Variants in WSCD2 observed in about 807,000 individuals in gnomAD.
WSCD2 encodes the protein sialate:O-sulfotransferase 2.
In WSCD2, 28 loss-of-function variants were observed where a neutral mutation model predicts 55.7. The ratio of observed to expected loss-of-function variants is 0.50; its 90% CI spans 0.37 to 0.69. The LOEUF is 0.69. WSCD2 is among the 30% of genes least tolerant of loss of function. The pLI is 0.00. For synonymous variants in WSCD2, 301 were observed against 301.9 expected (o/e 1.00, Z 0.03); for missense variants, 616 against 762.1 (o/e 0.81, Z 2.26).
Position 108,248,003 on chromosome 12 carries a change from TCGTGAGGAACTATG to T in WSCD2, c.1360_1373del (p.Val454ProfsTer23). 6.2e-7 allele frequency: 1 copy of T among 1,612,476 alleles called. No homozygotes were observed. Among genetic ancestry groups the T allele is most frequent in the Non-Finnish European group, 8.5e-7 (1 of 1,178,630 alleles). ...CCTCTCTCTGCAGAGTGGCCAGAGT[TCGTGAGGAACTATG>T]CCCCGTGGTGGGCCACTCACACACT... On this transcript the variant is annotated frameshift_variant, in exon 9 of 9. Coordinates refer to ENST00000547525, the MANE Select transcript of WSCD2 (RefSeq NM_014653.4). LOFTEE classifies it high-confidence loss of function. The surrounding 1 kb of genome is among the most constrained non-coding windows in gnomAD (Gnocchi z 4.3).
At chr12:108,229,268 T>C (rs1035613358) in intron 6 of WSCD2, among the ~76,000 whole-genome samples, 35 of 152,232 alleles carry the variant, frequency 2.3e-4, no homozygotes, top group African/African-American at 8.4e-4. Context: ...ACTTGCTCTG[T>C]GCCAGGCTCT....
chr12:108,242,793 T>C (rs1017133578), intron 8 of WSCD2, among the ~76,000 whole-genome samples: 2 of 152,154 alleles, frequency 1.3e-5, no homozygotes, highest in East Asian at 1.9e-4. Context: ...CAGGCCCCAC[T>C]CTTTTTCCTT....
At chr12:108,149,606 T>G (rs1258714712) in intron 1 of WSCD2, among the ~76,000 whole-genome samples, 1 of 152,132 alleles carries the variant, frequency 6.6e-6, no homozygotes. Flanking sequence ...GAGGCCAGAG[T>G]ATTTTATTCA....
intron 7 of WSCD2, 36 bp downstream of exon 7, chr12:108,232,931 C>T: frequency 6.3e-7 from 1 of 1,598,658 alleles, no homozygotes; most frequent in Non-Finnish European, 8.6e-7. Context: ...GCAAGAGGTT[C>T]CCTGGGCTTG....
intron 1 of WSCD2, among the ~76,000 whole-genome samples, chr12:108,181,336 C>T (rs561281571): frequency 7.9e-5 from 12 of 152,254 alleles, no homozygotes; most frequent in African/African-American, 2.9e-4. Context: ...GACATCATGA[C>T]AGCAAAGACC....
intron 4 of WSCD2, among the ~76,000 whole-genome samples, chr12:108,222,968 G>A (rs1887695371): frequency 1.3e-5 from 2 of 152,222 alleles, no homozygotes; most frequent in Admixed American, 1.3e-4. Flanking sequence ...GCAATTGCGG[G>A]AGCTGGCAAG....
chr12:108,157,259 C>T (rs1467675904), intron 1 of WSCD2, among the ~76,000 whole-genome samples: 2 of 152,210 alleles, frequency 1.3e-5, no homozygotes, highest in Admixed American at 6.5e-5. Flanking sequence ...GTCCTTCACT[C>T]CACCATTATA....
Position 108,195,690 on chromosome 12 carries a change from T to G in WSCD2, c.-143T>G. 1 of 1,198,872 alleles carries G rather than the reference T, an allele frequency of 8.3e-7. No homozygotes were observed. The highest frequency in any genetic ancestry group is 1.1e-6 in the Non-Finnish European group (1 of 875,386). 74.3% of individuals were successfully genotyped at this position (1,198,872 alleles called of 1,614,324 possible). A position where few individuals can be genotyped will look rare whatever the true frequency, so the allele number is the denominator to read the frequency against. On this transcript the variant is annotated 5_prime_UTR_variant, in exon 2 of 9. Coordinates refer to ENST00000547525, the MANE Select transcript of WSCD2 (RefSeq NM_014653.4). ...TGAACTTGCCCTCCCCTTCTGGCCT[T>G]GGTGATCACTTTTTCAGGAAGAGTG...
chr12:108,235,972 AAAG>A (rs2137209790), intron 7 of WSCD2, among the ~76,000 whole-genome samples: 1 of 152,260 alleles, frequency 6.6e-6, no homozygotes, highest in South Asian at 2.1e-4. Flanking sequence ...CTTGCAGCTG[AAAG>A]ATGCTTAACT....
At position 108,146,171 on chromosome 12, in the gene WSCD2, AT is replaced by A. The variant is rs140174787; in HGVS notation, c.-552+16246del. On this transcript the variant is annotated intron_variant, in intron 1 of 8. Coordinates refer to ENST00000547525, the MANE Select transcript of WSCD2 (RefSeq NM_014653.4). Reference sequence around the variant, plus strand: ...AAATTGTACATCTTTGTTTTATGTTATCTTCTGTATTGTGGTAATGAAAAAC... The same window carrying A: ...AAATTGTACATCTTTGTTTTATGTTACTTCTGTATTGTGGTAATGAAAAAC... 8.9e-4 allele frequency among the ~76,000 whole-genome samples: 135 copies of A among 152,344 alleles called. 3 individuals carry two copies. In the East Asian group the frequency reaches 0.02, roughly 22 times the overall value.
intron 7 of WSCD2, 128 bp from the exon 8 acceptor site, chr12:108,240,216 T>C (rs1344015139): frequency 1.4e-5 from 16 of 1,179,356 alleles, no homozygotes; most frequent in Non-Finnish European, 1.9e-5. Context: ...TAGTAGGTGC[T>C]CAATAAATAC....
At chr12:108,166,951 A>C (rs1167073217) in intron 1 of WSCD2, among the ~76,000 whole-genome samples, 1 of 151,458 alleles carries the variant, frequency 6.6e-6, no homozygotes, top group Non-Finnish European at 1.5e-5. Context: ...AGCTGGGACT[A>C]CAGGTGCCCA....
chr12:108,172,861 T>A (rs1355702963), intron 1 of WSCD2, among the ~76,000 whole-genome samples: 17 of 152,206 alleles, frequency 1.1e-4, no homozygotes, highest in Admixed American at 1.1e-3. Flanking sequence ...TCAGGTGCTA[T>A]GGTGTGAAAG....
chr12:108,159,948 G>A (rs558993596), intron 1 of WSCD2, among the ~76,000 whole-genome samples: 1 of 152,356 alleles, frequency 6.6e-6, no homozygotes, highest in African/African-American at 2.4e-5. Flanking sequence ...CCTGTGCTGA[G>A]ACAAAGGGAA....
intron 1 of WSCD2, among the ~76,000 whole-genome samples, chr12:108,160,209 T>C: frequency 6.6e-6 from 1 of 152,166 alleles, no homozygotes; most frequent in East Asian, 1.9e-4. Flanking sequence ...ATGGGCTGAT[T>C]CTAAGGACTC....
chr12:108,202,898 T>A (rs888863252), intron 2 of WSCD2, among the ~76,000 whole-genome samples: 2 of 152,210 alleles, frequency 1.3e-5, no homozygotes, highest in African/African-American at 4.8e-5. Context: ...TTGGGGAAGA[T>A]GGACCTATGG....
chr12:108,139,781 T>C (rs1481709200), intron 1 of WSCD2, among the ~76,000 whole-genome samples: 2 of 152,230 alleles, frequency 1.3e-5, no homozygotes, highest in Admixed American at 1.3e-4. Flanking sequence ...CAAGCCCATA[T>C]GAGGTTCTGA....
chr12:108,195,117 T>G (rs1409910089), intron 1 of WSCD2, among the ~76,000 whole-genome samples, 165 bp from the exon 2 acceptor site: 1 of 152,190 alleles, frequency 6.6e-6, no homozygotes, highest in Non-Finnish European at 1.5e-5. Context: ...TCTAGAAGAC[T>G]CAGGGATGCT....
intron 1 of WSCD2, among the ~76,000 whole-genome samples, chr12:108,130,472 TGGGGTGTG>T (rs1875372725): frequency 7.9e-6 from 1 of 126,478 alleles, no homozygotes. Flanking sequence ...ATGTCCATTC[TGGGGTGTG>T]TGTGTGTGTG....
Sources: gnomAD v4.1 joint callset for allele counts (sites outside exome capture counted in the v4.1 genomes callset) on GRCh38, gnomAD v4.1.1 for gene constraint, Gnocchi (gnomAD v3.1) non-coding constraint, MANE v1.5 for transcripts, NCBI Gene and HGNC (gene_info 2026-07-23, HGNC 2026-07-21) for gene names.